MORC4: variants seen among roughly 807,000 people sequenced by gnomAD.
MORC4 encodes the protein MORC family CW-type zinc finger protein 4.
In MORC4, 22 loss-of-function variants were observed where a neutral mutation model predicts 65.5. The observed-to-expected ratio is 0.34, with a 90% CI of 0.24 to 0.48. MORC4 has a LOEUF of 0.48. Ranked by LOEUF, MORC4 falls within the 20% of genes least tolerant of loss-of-function variation. The pLI, the probability that MORC4 is intolerant of heterozygous loss-of-function variation, is 0.99. For missense variants in MORC4, 624 were observed against 703.0 expected, an observed-to-expected ratio of 0.89 and a Z score of 1.27; for synonymous variants, 267 against 255.8, an observed-to-expected ratio of 1.04 and a Z score of -0.42.
rs1304304447 is a variant in MORC4, at chrX:106,941,460, A to C, written c.*19T>G. The stretch of plus-strand genomic sequence containing the variant: ...AACAGACAGAAGATAAGAGAAGAGA[A>C]GGGTATACAGTCTGGTGCTCAATCC... On this transcript the variant is annotated 3_prime_UTR_variant, in exon 17 of 17. Coordinates refer to ENST00000355610, the MANE Select transcript of MORC4 (RefSeq NM_024657.5). 4 of 1,157,691 alleles carry C rather than the reference A, an allele frequency of 3.5e-6. No homozygotes were observed. In the South Asian group the frequency reaches 7.8e-5, roughly 23 times the overall value.
At chrX:106,993,135 G>T in intron 3 of MORC4, 95 bp downstream of exon 3, 2 of 914,382 alleles carry the variant, frequency 2.2e-6, no homozygotes, top group African/African-American at 2.0e-5. Flanking sequence ...TTTGTTGAAT[G>T]AACAAAAGGA....
At chrX:106,979,427 C>T (rs908381736) in intron 7 of MORC4, among the ~76,000 whole-genome samples, 3 of 111,193 alleles carry the variant, frequency 2.7e-5, no homozygotes, top group African/African-American at 9.7e-5. Flanking sequence ...TTCTGTTGTG[C>T]ACTTTTAAAA....
At position 106,941,321 on chromosome X, in the gene MORC4, T is replaced by C; in HGVS notation, c.*158A>G. ...AAACTGATAAAAAGGAGACTGATTA[T>C]GAGCCAGGATTTACACAGAGATTCT... On this transcript the variant is annotated 3_prime_UTR_variant, in exon 17 of 17. Transcript: ENST00000355610. 2.6e-6 allele frequency: 1 copy of C among 387,007 alleles called. No homozygotes were observed. Among genetic ancestry groups the C allele is most frequent in the Non-Finnish European group, 4.3e-6 (1 of 231,053 alleles). The allele number at this position is 387,007 out of a possible 1,213,427, so 31.9% of individuals were successfully genotyped here.
At chrX:106,947,595 T>TA (rs1184475085) in intron 14 of MORC4, among the ~76,000 whole-genome samples, 2 of 92,901 alleles carry the variant, frequency 2.2e-5, no homozygotes, top group Admixed American at 1.3e-4. Context: ...ATATATAATA[T>TA]ATATATATAT....
At chrX:106,984,532 G>A (rs1934826877) in intron 5 of MORC4, among the ~76,000 whole-genome samples, 1 of 93,900 alleles carries the variant, frequency 1.1e-5, no homozygotes, top group South Asian at 5.6e-4. Context: ...GCAGAGGCGC[G>A]ATCTCTGCTC....
Position 106,981,428 on chromosome X carries a change from T to G in MORC4, c.724A>C (p.Ile242Leu). Residue 242 changes from isoleucine to leucine, a missense_variant, in exon 6 of 17, where the codon ATC becomes CTC. Ile to Leu is a conservative substitution (Grantham distance 5). Transcript: ENST00000355610. Reference protein sequence around the residue: ...ELDFDTDQYDILVSDFDTEEK... With the variant: ...ELDFDTDQYDLLVSDFDTEEK... ...TCTGTGTCAAAGTCTGATACCAGGATGTCATATTGATCTGTATCAAAGTCC... is the reference window on the plus strand; with the variant it reads ...TCTGTGTCAAAGTCTGATACCAGGAGGTCATATTGATCTGTATCAAAGTCC... 1 of 1,204,141 alleles carries G rather than the reference T, an allele frequency of 8.3e-7. No individual in the cohort carries two copies. Among genetic ancestry groups the G allele is most frequent in the Non-Finnish European group, 1.1e-6 (1 of 889,952 alleles).
rs749222029 is a variant in MORC4, at chrX:106,993,729, A to G, written c.176-367T>C. ...TAGCCCCTTTACTGTTTGTATACAC[A>G]TACAGTAAAGAGTGGCTATGGAGAA... On this transcript the variant is annotated intron_variant, in intron 2 of 16. Coordinates refer to ENST00000355610, the MANE Select transcript of MORC4 (RefSeq NM_024657.5). Among the ~76,000 whole-genome samples the G allele has an allele frequency of 3.6e-5, 4 of 112,519 alleles. No individual in the cohort carries two copies. In the East Asian group the frequency reaches 8.4e-4, roughly 24 times the overall value.
intron 9 of MORC4, among the ~76,000 whole-genome samples, chrX:106,965,908 G>C (rs768118346): frequency 3.1e-4 from 35 of 112,130 alleles, no homozygotes; most frequent in African/African-American, 1.0e-3. Context: ...GAGAGAAGAT[G>C]ATCTTTGTTA....
At position 106,999,608 on chromosome X, in the gene MORC4, C is replaced by T. The variant is rs1935141535; in HGVS notation, c.175+69G>A. The T allele has an allele frequency of 4.0e-6, 4 of 1,005,787 alleles. No homozygotes were observed. The African/African-American group carries it at 8.2e-5, about 21-fold the overall frequency. The allele number at this position is 1,005,787 out of a possible 1,213,427, so 82.9% of individuals were successfully genotyped here. ...CCCGCGCGGCTCTGCGCATTCCTCTCGCGTCCGCGGCACCACGCTGGCACC... is the reference window on the plus strand; with the variant it reads ...CCCGCGCGGCTCTGCGCATTCCTCTTGCGTCCGCGGCACCACGCTGGCACC... On this transcript the variant is annotated intron_variant, in intron 2 of 16. Transcript: ENST00000355610.
rs3827464 is a variant in MORC4, at chrX:106,942,934, G to A, written c.1957C>T (p.Arg653Cys). 3.8e-4 allele frequency: 460 copies of A among 1,210,048 alleles called. No individual in the cohort carries two copies. The East Asian group carries it at 0.011, about 29-fold the overall frequency. Residue 653 changes from arginine to cysteine, a missense_variant, in exon 15 of 17, where the codon CGC (arginine) becomes TGC (cysteine). By Grantham distance (180) the Arg-to-Cys change is radical (BLOSUM62 -3). Transcript: ENST00000355610. ...TCTTCAGGAAGCAGGGACCCCTGGC[G>A]TTGGTCTTTGGCCCCTGGATACAGA... ...SILYPGAKDQ[R>C]QGSLLPEELE...
At chrX:106,998,942 C>T (rs1351305019) in intron 2 of MORC4, among the ~76,000 whole-genome samples, 1 of 112,389 alleles carries the variant, frequency 8.9e-6, no homozygotes, top group Non-Finnish European at 1.9e-5. Context: ...ATTTTCAAAG[C>T]ATGTATAATG....
In MORC4 at chrX:106,979,495, G is replaced by A. The variant is rs191727784; in HGVS notation, c.937-1296C>T. On this transcript the variant is annotated intron_variant, in intron 7 of 16. Transcript: ENST00000355610. The stretch of plus-strand genomic sequence containing the variant: ...AGGAGACACCAAATTAGCATAAGGA[G>A]AGAGAACAAAGATGAAAGAAGTGGC... Among the ~76,000 whole-genome samples, 21 of 111,136 alleles carry A rather than the reference G, an allele frequency of 1.9e-4. 1 individual carries two copies. The highest frequency in any genetic ancestry group is 1.6e-3 in the Admixed American group (17 of 10,405).
At chrX:106,972,888 T>G (rs1934552842) in intron 9 of MORC4, among the ~76,000 whole-genome samples, 1 of 112,723 alleles carries the variant, frequency 8.9e-6, no homozygotes, top group African/African-American at 3.2e-5. Context: ...CGGTTGCCAT[T>G]GCACTCCAGC....
At chrX:106,996,177 A>G (rs1236936415) in intron 2 of MORC4, among the ~76,000 whole-genome samples, 1 of 104,133 alleles carries the variant, frequency 9.6e-6, no homozygotes, top group Non-Finnish European at 1.9e-5. Context: ...AAACTTTACT[A>G]GGTACTTTTT....
At chrX:106,976,725 G>C in intron 8 of MORC4, 41 bp from the exon 9 acceptor site, 1 of 1,005,599 alleles carries the variant, frequency 9.9e-7, no homozygotes, top group Non-Finnish European at 1.4e-6. Flanking sequence ...CATTACTGTT[G>C]GCTGCCTGGA....
intron 7 of MORC4, 70 bp downstream of exon 7, chrX:106,980,821 G>A: frequency 9.5e-7 from 1 of 1,051,212 alleles, no homozygotes; most frequent in African/African-American, 1.9e-5. Context: ...TTGTTTTTCT[G>A]TGTCAACCTG....
At chrX:106,995,972 G>A (rs1303780867) in intron 2 of MORC4, among the ~76,000 whole-genome samples, 1 of 111,792 alleles carries the variant, frequency 8.9e-6, no homozygotes, top group East Asian at 2.8e-4. Flanking sequence ...TCAATCAACT[G>A]GACATCATTT....
At chrX:106,955,198 CTG>C (rs1934077937) in intron 13 of MORC4, 110 bp from the exon 14 acceptor site, 1 of 553,641 alleles carries the variant, frequency 1.8e-6, no homozygotes, top group Admixed American at 4.1e-5. Flanking sequence ...TAAAAAGAAA[CTG>C]TTTCCTACAC....
At chrX:106,990,144 G>A (rs189909433) in intron 3 of MORC4, among the ~76,000 whole-genome samples, 48 of 104,892 alleles carry the variant, frequency 4.6e-4, no homozygotes, top group African/African-American at 1.6e-3. Context: ...AGCCGAGATC[G>A]CGCCACTGCA....
Sources: allele counts gnomAD v4.1 joint callset (sites outside exome capture counted in the v4.1 genomes callset), GRCh38; gene constraint gnomAD v4.1.1; transcripts MANE v1.5; gene names NCBI Gene and HGNC (gene_info 2026-07-23, HGNC 2026-07-21).